EPG5: variants seen among roughly 807,000 people sequenced by gnomAD.
EPG5 encodes ectopic P-granules 5 autophagy tethering factor.
A neutral mutation model predicts 302.7 loss-of-function variants in EPG5; 159 were observed. The ratio of observed to expected loss-of-function variants is 0.53; its 90% confidence interval spans 0.46 to 0.60. The LOEUF (loss-of-function observed/expected upper bound fraction) is 0.60, where lower values mean the gene tolerates loss of function less well. Ranked by LOEUF, EPG5 falls within the 20% of genes least tolerant of loss-of-function variation. EPG5 has a pLI of 0.00. For synonymous variants in EPG5, 1,158 were observed against 1,136.8 expected, an observed-to-expected ratio of 1.02 and a Z score of -0.37; for missense variants, 2,896 against 3,092.4, an observed-to-expected ratio of 0.94 and a Z score of 1.51.
the EPG5 span, among the ~76,000 whole-genome samples, chr18:45,825,156 AAGGG>A: frequency 1.8e-5 from 2 of 109,660 alleles, no homozygotes; most frequent in Non-Finnish European, 3.7e-5. Context: ...GGAGGGAAGG[AAGGG>A]AGGGAGGGAG....
At chr18:45,922,200 G>T in intron 16 of EPG5, 141 bp downstream of exon 16, 1 of 1,018,216 alleles carries the variant, frequency 9.8e-7, no homozygotes, top group Non-Finnish European at 1.4e-6. Context: ...CCCTTGATAA[G>T]CTGTTAATCA....
chr18:45,900,130 T>C (rs9960231), intron 26 of EPG5, among the ~76,000 whole-genome samples: 38,809 of 152,018 alleles, frequency 0.26, 6,007 homozygotes, highest in African/African-American at 0.41. Context: ...TGGCCTGGCG[T>C]GGTGGCTCAC....
intron 27 of EPG5, among the ~76,000 whole-genome samples, chr18:45,895,001 T>C (rs1444666275): frequency 6.6e-6 from 1 of 152,102 alleles, no homozygotes; most frequent in Non-Finnish European, 1.5e-5. Flanking sequence ...ATCTAATTAA[T>C]GCAACAGGTC....
At chr18:45,806,375 C>T in the EPG5 span, among the ~76,000 whole-genome samples, 15 of 152,234 alleles carry the variant, frequency 9.9e-5, no homozygotes, top group Admixed American at 4.6e-4. Flanking sequence ...CTGACTCAGA[C>T]GCACAGAGCA....
At chr18:45,817,455 T>A in the EPG5 span, among the ~76,000 whole-genome samples, 1 of 152,224 alleles carries the variant, frequency 6.6e-6, no homozygotes, top group Non-Finnish European at 1.5e-5. Flanking sequence ...AACATTTATT[T>A]TATAATTCTG....
intron 33 of EPG5, 151 bp from the exon 34 acceptor site, chr18:45,878,599 T>A: frequency 1.7e-6 from 1 of 588,170 alleles, no homozygotes; most frequent in Non-Finnish European, 3.0e-6. Context: ...ACTATGTATG[T>A]TTACGTTTTC....
rs1437563422 is a variant in EPG5 at position 45,930,692 on chromosome 18, A to G, written c.2396T>C (p.Val799Ala). Residue 799 changes from valine (V) to alanine (A), a missense_variant, in exon 12 of 44, where the codon GTT becomes GCT. Coordinates refer to ENST00000282041, the MANE Select transcript of EPG5 (RefSeq NM_020964.3). ...TATTCTAACCTCATATATCTCCAGA[A>G]CAATAATTTTTATGAAGTCTTCGTC... Reference protein sequence around the residue: ...NVDEDFIKIIVLEIYEVSYVT... With the variant: ...NVDEDFIKIIALEIYEVSYVT... 2 of 1,594,276 alleles carry G rather than the reference A, an allele frequency of 1.3e-6. No homozygotes were observed. The highest frequency in any genetic ancestry group is 1.7e-6 in the Non-Finnish European group (2 of 1,174,536).
intron 26 of EPG5, 38 bp downstream of exon 26, chr18:45,900,958 A>C (rs751501479): frequency 3.2e-6 from 5 of 1,575,664 alleles, no homozygotes; most frequent in Admixed American, 1.8e-5. Context: ...CAAAGCCACC[A>C]ACATGGGAAC....
the EPG5 span, among the ~76,000 whole-genome samples, chr18:45,813,554 A>G: frequency 0.74 from 113,108 of 152,156 alleles, 42,960 homozygotes; most frequent in East Asian, 0.92. Flanking sequence ...AAGAAAATGT[A>G]GCACATATAC....
chr18:45,838,568 C>G, the EPG5 span: 1 of 1,039,596 alleles, frequency 9.6e-7, no homozygotes, highest in Admixed American at 3.3e-5. Context: ...AATCTTTCGC[C>G]CAAGGCCACA....
chr18:45,955,082 C>T lies in EPG5; in HGVS notation c.320G>A (p.Gly107Glu), dbSNP rs766983961. 8.7e-6 allele frequency: 14 copies of T among 1,613,960 alleles called. No homozygotes were observed. The highest frequency in any genetic ancestry group is 3.3e-4 in the Middle Eastern group (2 of 6,058). Residue 107 changes from glycine to glutamate, a missense_variant, in exon 2 of 44, where the codon GGA becomes GAA. Around this residue, in one of 5 missense-constraint regions of EPG5, gnomAD observed 1,390 missense variants for 1,430.0 expected, o/e 0.97. Coordinates refer to ENST00000282041, the MANE Select transcript of EPG5 (RefSeq NM_020964.3). Reference protein sequence around the residue: ...TCNTEPPKEGGEARPCVGDSA... With the variant: ...TCNTEPPKEGEEARPCVGDSA... ...GTCCCCCACACAGGGTCTGGCCTCT[C>T]CCCCTTCCTTTGGGGGCTCTGTGTT...
intron 17 of EPG5, 87 bp from the exon 18 acceptor site, chr18:45,916,669 T>A: frequency 7.2e-7 from 1 of 1,385,154 alleles, no homozygotes; most frequent in Admixed American, 2.6e-5. Context: ...AACAGAAAAT[T>A]CCTAAATTGG....
chr18:45,887,678 G>A, intron 29 of EPG5, 73 bp downstream of exon 29: 2 of 1,295,048 alleles, frequency 1.5e-6, no homozygotes, highest in Non-Finnish European at 2.0e-6. Context: ...AGTCAATGCT[G>A]ACTATATCCA....
the EPG5 span, among the ~76,000 whole-genome samples, chr18:45,810,714 G>A: frequency 1.3e-5 from 2 of 152,178 alleles, no homozygotes; most frequent in Non-Finnish European, 2.9e-5. Context: ...CTGGGAGGCG[G>A]AGGTTGCAGT....
chr18:45,817,713 C>T, the EPG5 span, among the ~76,000 whole-genome samples: 1 of 152,230 alleles, frequency 6.6e-6, no homozygotes, highest in East Asian at 1.9e-4. Context: ...TGAGAGTCCT[C>T]ATGACATGTC....
At chr18:45,952,909 G>A (rs1423663696) in intron 2 of EPG5, among the ~76,000 whole-genome samples, 1 of 152,088 alleles carries the variant, frequency 6.6e-6, no homozygotes, top group Non-Finnish European at 1.5e-5. Context: ...CGCGGTGGCT[G>A]ATGCTTGTAA....
At chr18:45,814,143 T>A in the EPG5 span, among the ~76,000 whole-genome samples, 8 of 151,966 alleles carry the variant, frequency 5.3e-5, no homozygotes, top group African/African-American at 1.9e-4. Context: ...AAAATCAACA[T>A]CACCAATAAC....
At position 45,923,286 on chromosome 18, in the gene EPG5, G is replaced by C. The variant is rs748846851; in HGVS notation, c.2820C>G (p.Leu940=). The C allele has an allele frequency of 1.9e-6, 3 of 1,613,806 alleles. No homozygotes were observed. Among genetic ancestry groups the C allele is most frequent in the Non-Finnish European group, 1.7e-6 (2 of 1,179,908 alleles). ...GAAATACCTGCTTCATACTTTCAGA[G>C]AGAATCCCAGCATATGGCTTCTGTG... ...YLAQKPYAGI[L]SESMKQVSYL... is the part of the protein sequence containing the mutation. Residue 940 remains leucine (L), a synonymous_variant, in exon 15 of 44, where the codon CTC becomes CTG. Transcript: ENST00000282041.
intron 35 of EPG5, among the ~76,000 whole-genome samples, chr18:45,872,195 C>T (rs2048885321): frequency 2.0e-5 from 3 of 152,190 alleles, no homozygotes; most frequent in Admixed American, 2.0e-4. Context: ...AAATCTCACG[C>T]TTTTCTGAGA....
Sources: allele counts gnomAD v4.1 joint callset (sites outside exome capture counted in the v4.1 genomes callset), GRCh38; gene constraint gnomAD v4.1.1; regional missense constraint gnomAD v4.1.1; transcripts MANE v1.5; gene names NCBI Gene and HGNC (gene_info 2026-07-23, HGNC 2026-07-21).